Variants in LRP1B observed in about 807,000 individuals in gnomAD.
LRP1B encodes low-density lipoprotein receptor-related protein 1B.
LRP1B carries 217 observed loss-of-function variants against 556.6 expected under a neutral mutation model. The ratio of observed to expected loss-of-function variants is 0.39; its 90% CI spans 0.35 to 0.44. LRP1B has a LOEUF of 0.44. LRP1B is among the 20% of genes least tolerant of loss of function. The probability of loss-of-function intolerance (pLI) is 1.00; values close to 1 mark genes in which losing one functional copy is unlikely to be tolerated. For missense variants in LRP1B, 5,053 were observed against 5,620.8 expected (o/e 0.90, Z 3.23); for synonymous variants, 2,047 against 1,865.8 (o/e 1.10, Z -2.50).
rs1701691912 is a variant in LRP1B, at chr2:141,970,273, C to T, written c.83-159872G>A. Among the ~76,000 whole-genome samples, 7 of 151,610 alleles carry T rather than the reference C, an allele frequency of 4.6e-5. 1 individual carries two copies. The South Asian group carries it at 1.5e-3, about 31-fold the overall frequency. The stretch of plus-strand genomic sequence containing the variant: ...TGTTGACATTTTACATACCAATATA[C>T]AAGCACATATAAAATGAAAAATACA... On this transcript the variant is annotated intron_variant, in intron 1 of 90. Transcript: ENST00000389484.
chr2:141,497,872 TA>T (rs559624285), intron 2 of LRP1B, among the ~76,000 whole-genome samples: 1 of 151,974 alleles, frequency 6.6e-6, no homozygotes, highest in African/African-American at 2.4e-5. Flanking sequence ...AATAAGAGAA[TA>T]AAAAAATTAT....
chr2:141,952,483 A>G (rs1574525155), intron 1 of LRP1B, among the ~76,000 whole-genome samples: 1 of 152,262 alleles, frequency 6.6e-6, no homozygotes, highest in African/African-American at 2.4e-5. Flanking sequence ...TTGTAGTGAA[A>G]CATGATGTTT....
At chr2:140,476,045 G>T (rs1306398614) in intron 59 of LRP1B, among the ~76,000 whole-genome samples, 1 of 151,928 alleles carries the variant, frequency 6.6e-6, no homozygotes, top group African/African-American at 2.4e-5. Context: ...AAAACAGGAA[G>T]TGAATTAAGT....
intron 11 of LRP1B, among the ~76,000 whole-genome samples, chr2:141,039,155 T>G (rs1250312460): frequency 1.3e-5 from 2 of 152,082 alleles, no homozygotes; most frequent in Non-Finnish European, 2.9e-5. Context: ...CATTCCTTCA[T>G]CCTGCATATC....
intron 35 of LRP1B, among the ~76,000 whole-genome samples, chr2:140,748,644 C>G (rs1688437223): frequency 1.0e-5 from 1 of 97,438 alleles, no homozygotes; most frequent in African/African-American, 3.9e-5. Flanking sequence ...TATATTATAC[C>G]AGATGTGATA....
intron 1 of LRP1B, among the ~76,000 whole-genome samples, chr2:142,063,993 C>A (rs2104897938): frequency 6.6e-6 from 1 of 151,566 alleles, no homozygotes; most frequent in East Asian, 1.9e-4. Flanking sequence ...GCACTCAAGG[C>A]TTTTCCATTT....
chr2:141,447,512 G>T (rs1367050708), intron 3 of LRP1B, among the ~76,000 whole-genome samples: 1 of 152,022 alleles, frequency 6.6e-6, no homozygotes, highest in Non-Finnish European at 1.5e-5. Flanking sequence ...GGAATTTTCA[G>T]CCTTTTTGCA....
intron 2 of LRP1B, among the ~76,000 whole-genome samples, chr2:141,723,630 C>T (rs1692922962): frequency 1.3e-5 from 2 of 151,448 alleles, no homozygotes; most frequent in Non-Finnish European, 3.0e-5. Context: ...GGTGACCTTG[C>T]CTTTGTTTAT....
intron 84 of LRP1B, among the ~76,000 whole-genome samples, chr2:140,296,226 T>C (rs1429191924): frequency 2.0e-5 from 3 of 152,132 alleles, no homozygotes; most frequent in Non-Finnish European, 2.9e-5. Context: ...AAAATACACA[T>C]AAAATTACCT....
At chr2:140,896,129 G>T (rs1043166674) in intron 23 of LRP1B, among the ~76,000 whole-genome samples, 4 of 151,610 alleles carry the variant, frequency 2.6e-5, no homozygotes, top group African/African-American at 9.7e-5. Context: ...ATTTTAGGTG[G>T]TCCTAAAAGA....
chr2:142,061,391 A>G (rs977658961), intron 1 of LRP1B, among the ~76,000 whole-genome samples: 27 of 151,998 alleles, frequency 1.8e-4, no homozygotes, highest in African/African-American at 5.8e-4. Flanking sequence ...TCCGAAACAC[A>G]CTGCTCTTAC....
At chr2:141,146,348 T>C (rs1424540813) in intron 7 of LRP1B, among the ~76,000 whole-genome samples, 1 of 152,224 alleles carries the variant, frequency 6.6e-6, no homozygotes, top group Non-Finnish European at 1.5e-5. Flanking sequence ...CTTTCTAATA[T>C]GTTTGGAGGG....
chr2:141,818,482 A>C (rs1696632815), intron 1 of LRP1B, among the ~76,000 whole-genome samples: 1 of 148,128 alleles, frequency 6.8e-6, no homozygotes, highest in African/African-American at 2.5e-5. Flanking sequence ...TGCACTTTTA[A>C]CTCTCCTTAA....
intron 66 of LRP1B, among the ~76,000 whole-genome samples, chr2:140,423,174 T>C (rs535377924): frequency 5.9e-5 from 9 of 152,158 alleles, no homozygotes; most frequent in Admixed American, 1.3e-4. Context: ...CGTTAGCCAA[T>C]AGAATCCCAT....
intron 7 of LRP1B, among the ~76,000 whole-genome samples, chr2:141,084,252 T>C (rs1191480717): frequency 2.0e-5 from 3 of 152,180 alleles, no homozygotes; most frequent in Non-Finnish European, 4.4e-5. Flanking sequence ...TTTAAAAACA[T>C]GTTTTTATGG....
At chr2:141,599,611 C>T (rs951226078) in intron 2 of LRP1B, among the ~76,000 whole-genome samples, 7 of 152,028 alleles carry the variant, frequency 4.6e-5, no homozygotes, top group Admixed American at 6.6e-5. Flanking sequence ...TTCTATTTTT[C>T]GATATGTACA....
At chr2:141,873,989 G>A (rs1207323578) in intron 1 of LRP1B, among the ~76,000 whole-genome samples, 1 of 150,110 alleles carries the variant, frequency 6.7e-6, no homozygotes, top group Non-Finnish European at 1.5e-5. Flanking sequence ...ACACCATCAA[G>A]AGGTATGCAT....
At position 140,842,501 on chromosome 2, in the gene LRP1B, C is replaced by T. The variant is rs1362843709; in HGVS notation, c.4940-1409G>A. Among the ~76,000 whole-genome samples the T allele has an allele frequency of 3.3e-5, 5 of 152,120 alleles. No homozygotes were observed. In the East Asian group the frequency reaches 5.8e-4, roughly 18 times the overall value. On this transcript the variant is annotated intron_variant, in intron 29 of 90. Transcript: ENST00000389484. Reference sequence around the variant, plus strand: ...CCCTCTCACTCTGCAAATTACTTTTCGTGATTAATTTACAGGTGAGTTGGT... The same window carrying T: ...CCCTCTCACTCTGCAAATTACTTTTTGTGATTAATTTACAGGTGAGTTGGT...
In LRP1B at chr2:141,683,012, A is replaced by G. The variant is rs115750049; in HGVS notation, c.205+127267T>C. On this transcript the variant is annotated intron_variant, in intron 2 of 90. Transcript: ENST00000389484. ...CATCCTGCATGTGTGATGTGAACAT[A>G]AGCCCAGGAATGCTGGCAGGCTCTA... is the stretch of plus-strand genomic sequence containing the variant. Among the ~76,000 whole-genome samples the G allele has an allele frequency of 1.4e-3, 211 of 152,272 alleles. 1 individual carries two copies. The highest frequency in any genetic ancestry group is 4.9e-3 in the African/African-American group (203 of 41,558).
Sources: allele counts gnomAD v4.1 joint callset (sites outside exome capture counted in the v4.1 genomes callset), GRCh38; gene constraint gnomAD v4.1.1; transcripts MANE v1.5; gene names NCBI Gene and HGNC (gene_info 2026-07-23, HGNC 2026-07-21).